CCDC6: variants seen among roughly 807,000 people sequenced by gnomAD.
The protein encoded by CCDC6 is coiled-coil domain containing 6, also known as coiled-coil domain-containing protein 6.
A neutral mutation model predicts 56.6 loss-of-function variants in CCDC6; 20 were observed. That is an observed-to-expected ratio of 0.35 (90% CI 0.25 to 0.51). The LOEUF is 0.51. Among genes scored for constraint, CCDC6 ranks in the 20% least tolerant of loss-of-function variants. CCDC6 has a pLI of 0.95. For missense variants in CCDC6, 367 were observed against 601.1 expected, an observed-to-expected ratio of 0.61 and a Z score of 4.07; for synonymous variants, 241 against 234.4, an observed-to-expected ratio of 1.03 and a Z score of -0.26.
At chr10:59,859,575 T>C (rs1222708000) in intron 1 of CCDC6, among the ~76,000 whole-genome samples, 1 of 152,076 alleles carries the variant, frequency 6.6e-6, no homozygotes, top group African/African-American at 2.4e-5. Context: ...CACCACTGAA[T>C]AGCAAAGCAA....
chr10:59,804,735 C>T (rs2085421852), intron 6 of CCDC6: 1 of 491,208 alleles, frequency 2.0e-6, no homozygotes, highest in East Asian at 3.6e-5. Flanking sequence ...AGTTGGGAGA[C>T]CTAGGATGTT....
intron 1 of CCDC6, 30 bp downstream of exon 1, chr10:59,906,092 C>T: frequency 1.9e-6 from 3 of 1,539,296 alleles, no homozygotes; most frequent in Non-Finnish European, 2.6e-6. Flanking sequence ...CGGAGGTCGG[C>T]GCTGCGGCGC....
intron 1 of CCDC6, among the ~76,000 whole-genome samples, chr10:59,865,028 G>A (rs2071165262): frequency 6.6e-6 from 1 of 152,146 alleles, no homozygotes; most frequent in Admixed American, 6.5e-5. Flanking sequence ...AAACGTTTTA[G>A]CTCAGAAGCT....
At chr10:59,813,276 C>T (rs529421757) in intron 4 of CCDC6, among the ~76,000 whole-genome samples, 400 of 152,300 alleles carry the variant, frequency 2.6e-3, no homozygotes, top group Non-Finnish European at 4.2e-3. Flanking sequence ...TCCTGCAAAA[C>T]TAATTGCAAG....
chr10:59,851,877 G>T (rs1022592674), intron 2 of CCDC6, among the ~76,000 whole-genome samples: 3 of 150,590 alleles, frequency 2.0e-5, no homozygotes, highest in Non-Finnish European at 4.4e-5. Flanking sequence ...ACAAACTATT[G>T]CCCCTAAGCA....
In CCDC6 at chr10:59,820,076, G is replaced by A. The variant is rs142169867; in HGVS notation, c.583-5321C>T. The stretch of plus-strand genomic sequence containing the variant: ...AAACTTAATATATAAAAATGCATCT[G>A]GCTTATTTGAATTCACAGCCGGTCC... On this transcript the variant is annotated intron_variant, in intron 3 of 8. Transcript: ENST00000263102. Among the ~76,000 whole-genome samples the A allele has an allele frequency of 5.1e-3, 783 of 152,286 alleles. 4 individuals carry two copies. Among genetic ancestry groups the A allele is most frequent in the African/African-American group, 0.018 (737 of 41,548 alleles).
chr10:59,892,011 C>G lies in CCDC6; in HGVS notation c.303+14111G>C, dbSNP rs564290133. ...CCTCCCACAGACCACCCTGGCCCAT[C>G]ACCAGGGGTTGTCCTTCCATCATTC... On this transcript the variant is annotated intron_variant, in intron 1 of 8. Transcript: ENST00000263102. Among the ~76,000 whole-genome samples the G allele has an allele frequency of 8.5e-5, 13 of 152,340 alleles. No individual in the cohort carries two copies. The South Asian group carries it at 2.7e-3, about 32-fold the overall frequency.
intron 1 of CCDC6, among the ~76,000 whole-genome samples, chr10:59,892,383 A>G (rs761004505): frequency 2.0e-5 from 3 of 152,122 alleles, no homozygotes; most frequent in Non-Finnish European, 4.4e-5. Context: ...GACTGGTATA[A>G]TCCTGGCTCA....
At chr10:59,885,225 C>G (rs1162116703) in intron 1 of CCDC6, among the ~76,000 whole-genome samples, 1 of 151,984 alleles carries the variant, frequency 6.6e-6, no homozygotes, top group East Asian at 1.9e-4. Flanking sequence ...CATCTTCATT[C>G]TTTTTTCAAT....
intron 1 of CCDC6, among the ~76,000 whole-genome samples, chr10:59,887,481 TA>T (rs60170273): frequency 0.23 from 31,894 of 136,292 alleles, 3,584 homozygotes; most frequent in African/African-American, 0.27. Context: ...ATGCAACTGT[TA>T]AAAAAAAAAA....
intron 1 of CCDC6, among the ~76,000 whole-genome samples, chr10:59,871,872 C>T (rs1456915689): frequency 2.6e-5 from 4 of 152,002 alleles, no homozygotes; most frequent in Non-Finnish European, 4.4e-5. Context: ...AAAAATAGCA[C>T]TCTGATTAAA....
chr10:59,854,407 T>TACACAA (rs1487695307), intron 1 of CCDC6, among the ~76,000 whole-genome samples: 1 of 152,106 alleles, frequency 6.6e-6, no homozygotes, highest in East Asian at 1.9e-4. Flanking sequence ...AAAACAGAGC[T>TACACAA]ACACAAACAC....
chr10:59,843,860 G>A (rs1400871597), intron 2 of CCDC6, among the ~76,000 whole-genome samples: 5 of 152,166 alleles, frequency 3.3e-5, no homozygotes, highest in Admixed American at 6.5e-5. Context: ...CCAGCTTGAG[G>A]TAGGGTTGAC....
chr10:59,819,408 A>G (rs2070734404), intron 3 of CCDC6, among the ~76,000 whole-genome samples: 2 of 152,194 alleles, frequency 1.3e-5, no homozygotes, highest in Non-Finnish European at 2.9e-5. Flanking sequence ...GACATTAAAG[A>G]GCAGAGAAGT....
intron 5 of CCDC6, among the ~76,000 whole-genome samples, chr10:59,810,535 G>A (rs1294585247): frequency 6.6e-6 from 1 of 152,100 alleles, no homozygotes; most frequent in Non-Finnish European, 1.5e-5. Context: ...AGTTCAGGAA[G>A]GTGCTGAAAG....
chr10:59,896,716 T>C (rs2071466762), intron 1 of CCDC6, among the ~76,000 whole-genome samples: 1 of 152,160 alleles, frequency 6.6e-6, no homozygotes, highest in South Asian at 2.1e-4. Flanking sequence ...CAGAGTTTCC[T>C]TTTGGGATGA....
chr10:59,792,966 G>C lies in CCDC6; in HGVS notation c.1376C>G (p.Ser459Trp), dbSNP rs752730367. ...MQPTVPSAAT[S>W]QPTPSQHSAH... ...CGAATGTTGCGAAGGAGTAGGCTGCGAGGTGGCTGCTGAGGGGACCGTGGG... is the reference window on the plus strand; with the variant it reads ...CGAATGTTGCGAAGGAGTAGGCTGCCAGGTGGCTGCTGAGGGGACCGTGGG... Residue 459 changes from serine (S) to tryptophan (W), a missense_variant, in exon 9 of 9, where the codon TCG (serine) becomes TGG (tryptophan). By Grantham distance (177) the Ser-to-Trp change is radical (BLOSUM62 -3). This residue lies in a region of CCDC6 where 54 missense variants were observed against 60.0 expected (regional missense o/e 0.90). Coordinates refer to ENST00000263102, the MANE Select transcript of CCDC6 (RefSeq NM_005436.5). 3 of 1,612,434 alleles carry C rather than the reference G, an allele frequency of 1.9e-6. No individual in the cohort carries two copies. Among genetic ancestry groups the C allele is most frequent in the South Asian group, 2.2e-5 (2 of 90,820 alleles).
At chr10:59,800,608 T>TAA (rs2070566416) in intron 7 of CCDC6, among the ~76,000 whole-genome samples, 1 of 130,664 alleles carries the variant, frequency 7.7e-6, no homozygotes, top group Non-Finnish European at 1.6e-5. Context: ...AGCCTTGTAT[T>TAA]AAAGTTTTTT....
At chr10:59,821,608 G>T (rs537287734) in intron 3 of CCDC6, among the ~76,000 whole-genome samples, 9 of 152,284 alleles carry the variant, frequency 5.9e-5, no homozygotes, top group African/African-American at 2.2e-4. Context: ...TTAAGAACAA[G>T]TTCTAGGTCA....
Sources: gnomAD v4.1 joint callset for allele counts (sites outside exome capture counted in the v4.1 genomes callset) on GRCh38, gnomAD v4.1.1 for gene constraint, gnomAD v4.1.1 regional missense constraint, MANE v1.5 for transcripts, NCBI Gene and HGNC (gene_info 2026-07-23, HGNC 2026-07-21) for gene names.